PKIB: variants seen among roughly 807,000 people sequenced by gnomAD.
PKIB encodes the protein PKI-beta.
PKIB carries 2 observed loss-of-function variants against 4.5 expected under a neutral mutation model. The ratio of observed to expected loss-of-function variants is 0.44; its 90% CI spans 0.18 to 1.39. The LOEUF is 1.39. Ranked by LOEUF, PKIB falls within the 40% of genes most tolerant of loss-of-function variation. The probability of loss-of-function intolerance (pLI) is 0.27; values close to 1 mark genes in which losing one functional copy is unlikely to be tolerated. For missense variants in PKIB, 94 were observed against 92.6 expected (o/e 1.02, Z -0.06); for synonymous variants, 38 against 36.0 (o/e 1.06, Z -0.20).
chr6:122,613,583 G>C (rs1336421294), intron 1 of PKIB, among the ~76,000 whole-genome samples: 1 of 152,094 alleles, frequency 6.6e-6, no homozygotes, highest in Non-Finnish European at 1.5e-5. Context: ...TTACCAGGTA[G>C]TGACATTACA....
intron 3 of PKIB, among the ~76,000 whole-genome samples, chr6:122,599,288 G>T (rs1400113516): frequency 6.6e-6 from 1 of 152,170 alleles, no homozygotes; most frequent in East Asian, 1.9e-4. Context: ...GGCAAAAAAG[G>T]TTCATCAGAA....
At chr6:122,658,014 T>G (rs117393190) in intron 2 of PKIB, among the ~76,000 whole-genome samples, 1 of 152,330 alleles carries the variant, frequency 6.6e-6, no homozygotes, top group East Asian at 1.9e-4. Context: ...TCATGTTGAT[T>G]AAGATATACA....
At chr6:122,510,717 A>G (rs745321093) in intron 2 of PKIB, among the ~76,000 whole-genome samples, 1 of 152,130 alleles carries the variant, frequency 6.6e-6, no homozygotes, top group Non-Finnish European at 1.5e-5. Context: ...TTAGTAGTTT[A>G]ACTATTTTAT....
chr6:122,605,297 C>A (rs1352396885), upstream of PKIB, among the ~76,000 whole-genome samples: 1 of 150,788 alleles, frequency 6.6e-6, no homozygotes, highest in African/African-American at 2.4e-5. Flanking sequence ...AGTTTCTGGT[C>A]TTTGATGGAA....
intron 2 of PKIB, among the ~76,000 whole-genome samples, chr6:122,525,468 T>C (rs779718925): frequency 2.0e-5 from 3 of 152,210 alleles, no homozygotes; most frequent in African/African-American, 4.8e-5. Flanking sequence ...TGGAATGTTC[T>C]GTATATGTCT....
intron 2 of PKIB, among the ~76,000 whole-genome samples, chr6:122,661,135 G>A (rs780672568): frequency 2.0e-5 from 3 of 151,980 alleles, no homozygotes; most frequent in Non-Finnish European, 4.4e-5. Flanking sequence ...ATCGCACACC[G>A]TAATCCTCCC....
At chr6:122,583,618 A>T (rs1773768072) in intron 2 of PKIB, among the ~76,000 whole-genome samples, 1 of 152,112 alleles carries the variant, frequency 6.6e-6, no homozygotes, top group African/African-American at 2.4e-5. Context: ...GAATACGCAC[A>T]TATACATTTT....
At chr6:122,709,680 T>G (rs1779197217) in intron 3 of PKIB, among the ~76,000 whole-genome samples, 1 of 152,128 alleles carries the variant, frequency 6.6e-6, no homozygotes, top group East Asian at 1.9e-4. Context: ...ATCTATAAAT[T>G]TTGGTGTGTT....
In PKIB at chr6:122,532,409, C is replaced by CT. The variant is rs1218996105; in HGVS notation, c.-247-53504dup. On this transcript the variant is annotated intron_variant, in intron 2 of 6. Coordinates refer to the PKIB transcript ENST00000392491. Reference sequence around the variant, plus strand: ...ACAAAACAAAAATTGCCTTTTTAAACTTTTTTTTAAGCAGACAAGTCATTA... The same window carrying CT: ...ACAAAACAAAAATTGCCTTTTTAAACTTTTTTTTTAAGCAGACAAGTCATTA... Among the ~76,000 whole-genome samples the CT allele has an allele frequency of 6.6e-5, 10 of 152,122 alleles. No homozygotes were observed. In the South Asian group the frequency reaches 2.1e-3, roughly 32 times the overall value.
chr6:122,596,507 G>A (rs1330062980), intron 3 of PKIB, among the ~76,000 whole-genome samples: 1 of 152,204 alleles, frequency 6.6e-6, no homozygotes, highest in African/African-American at 2.4e-5. Context: ...ATGGCTAGAT[G>A]GGTCAGAAAG....
chr6:122,701,287 G>T (rs1778803518), intron 3 of PKIB: 2 of 618,732 alleles, frequency 3.2e-6, no homozygotes, highest in Non-Finnish European at 5.6e-6. Flanking sequence ...TTCCATAGGT[G>T]TACCATTACA....
At chr6:122,556,959 A>G (rs1772862253) in intron 2 of PKIB, among the ~76,000 whole-genome samples, 1 of 152,230 alleles carries the variant, frequency 6.6e-6, no homozygotes, top group African/African-American at 2.4e-5. Context: ...TACGCCTGTA[A>G]TCCCAGCACT....
chr6:122,658,825 C>T (rs1776873635), intron 2 of PKIB, among the ~76,000 whole-genome samples: 1 of 85,346 alleles, frequency 1.2e-5, no homozygotes, highest in African/African-American at 5.2e-5. Context: ...TTAACAGTAG[C>T]ATTTATTCAT....
At chr6:122,626,844 T>G (rs1162160978) in intron 1 of PKIB, among the ~76,000 whole-genome samples, 1 of 152,156 alleles carries the variant, frequency 6.6e-6, no homozygotes, top group Non-Finnish European at 1.5e-5. Context: ...AGATGATAAC[T>G]TTCAAATAAA....
At chr6:122,553,476 A>ATCT (rs200263577) in intron 2 of PKIB, among the ~76,000 whole-genome samples, 1 of 33,756 alleles carries the variant, frequency 3.0e-5, no homozygotes, top group Admixed American at 5.2e-4. Flanking sequence ...TTGCTCAAAT[A>ATCT]TCTTCTTTTT....
rs564155683 is a variant in PKIB at position 122,559,907 on chromosome 6, G to C, written c.-247-26014G>C. 2.6e-5 allele frequency among the ~76,000 whole-genome samples: 4 copies of C among 152,230 alleles called. No individual in the cohort carries two copies. The South Asian group carries it at 6.2e-4, about 24-fold the overall frequency. On this transcript the variant is annotated intron_variant, in intron 2 of 6. Coordinates refer to the PKIB transcript ENST00000392491. ...CATTAATCTTGTATCCGGAAACTTT[G>C]CTGAATTCTTTTATCAGTTCTAGGA...
intron 3 of PKIB, among the ~76,000 whole-genome samples, chr6:122,586,480 GCTA>G (rs1261800171): frequency 6.6e-6 from 1 of 152,030 alleles, no homozygotes; most frequent in Non-Finnish European, 1.5e-5. Context: ...TGCCTTTGAT[GCTA>G]CTACAACTTC....
In PKIB at chr6:122,595,765, G is replaced by A. The variant is rs537029144; in HGVS notation, c.-161+9758G>A. 1.8e-4 allele frequency among the ~76,000 whole-genome samples: 27 copies of A among 152,298 alleles called. No homozygotes were observed. The South Asian group carries it at 5.4e-3, about 30-fold the overall frequency. On this transcript the variant is annotated intron_variant, in intron 3 of 6. Transcript: ENST00000392491. ...AAAGTCCATGTTGCTGAGTCCATGT[G>A]TAACCTCCATCCCTGCCACTATGGC...
chr6:122,720,616 T>A (rs973462821), intron 4 of PKIB, among the ~76,000 whole-genome samples: 4 of 152,040 alleles, frequency 2.6e-5, no homozygotes, highest in African/African-American at 9.7e-5. Context: ...GACATCTAAA[T>A]GGACAAGTCA....
Sources: gnomAD v4.1 joint callset for allele counts (sites outside exome capture counted in the v4.1 genomes callset) on GRCh38, gnomAD v4.1.1 for gene constraint, MANE v1.5 for transcripts, NCBI Gene and HGNC (gene_info 2026-07-23, HGNC 2026-07-21) for gene names.